SH3D19: variants seen among roughly 807,000 people sequenced by gnomAD.
SH3D19 encodes the protein SH3 domain containing 19.
SH3D19 carries 58 observed loss-of-function variants against 112.1 expected under a neutral mutation model. The ratio of observed to expected loss-of-function variants is 0.52; its 90% CI spans 0.42 to 0.64. The LOEUF (loss-of-function observed/expected upper bound fraction) is 0.64. Among genes scored for constraint, SH3D19 ranks in the 30% least tolerant of loss-of-function variants. SH3D19 has a pLI of 0.00. For missense variants in SH3D19, 1,090 were observed against 1,263.4 expected, an observed-to-expected ratio of 0.86 and a Z score of 2.08; for synonymous variants, 391 against 448.5, an observed-to-expected ratio of 0.87 and a Z score of 1.62.
At chr4:151,250,984 G>C (rs1220313720) in intron 1 of SH3D19, among the ~76,000 whole-genome samples, 2 of 152,078 alleles carry the variant, frequency 1.3e-5, no homozygotes, top group Non-Finnish European at 2.9e-5. Flanking sequence ...ACAGACCCCA[G>C]AATACTCCTG....
rs142036881 is a variant in SH3D19 at position 151,220,517 on chromosome 4, T to C, written c.152+5530A>G. ...ACCCCTAAGTCATCAAGATCTATTA[T>C]TTAGAGCTGGTGGGATGGTAAAAAG... On this transcript the variant is annotated intron_variant, in intron 2 of 19. Transcript: ENST00000604030. Among the ~76,000 whole-genome samples the C allele has an allele frequency of 5.9e-3, 899 of 152,328 alleles. 8 individuals carry two copies. The highest frequency in any genetic ancestry group is 0.021 in the African/African-American group (857 of 41,588).
chr4:151,191,405 GT>G (rs1165759985), intron 2 of SH3D19, among the ~76,000 whole-genome samples: 1 of 152,140 alleles, frequency 6.6e-6, no homozygotes, highest in East Asian at 1.9e-4. Flanking sequence ...GTTTGGCTGT[GT>G]CCCCACCCAA....
chr4:151,195,730 A>C (rs2149873065), intron 2 of SH3D19, among the ~76,000 whole-genome samples: 2 of 152,202 alleles, frequency 1.3e-5, no homozygotes, highest in Non-Finnish European at 2.9e-5. Context: ...GTTGCACATA[A>C]ATCCTAAATT....
At chr4:151,307,032 T>C (rs1728982530) in intron 1 of SH3D19, among the ~76,000 whole-genome samples, 1 of 150,700 alleles carries the variant, frequency 6.6e-6, no homozygotes, top group Non-Finnish European at 1.5e-5. Context: ...TTTTTTTTTT[T>C]TTTTGAGACG....
chr4:151,291,561 T>G, intron 1 of SH3D19: 1 of 701,492 alleles, frequency 1.4e-6, no homozygotes, highest in South Asian at 1.9e-5. Flanking sequence ...ATGTGAAGAG[T>G]TAAGAAATAA....
intron 9 of SH3D19, among the ~76,000 whole-genome samples, chr4:151,154,377 G>A (rs910401508): frequency 3.7e-4 from 56 of 150,024 alleles, no homozygotes; most frequent in African/African-American, 1.3e-3. Flanking sequence ...CAGGCGATCC[G>A]CCCGCCTTGG....
At chr4:151,137,009 T>C (rs1042052573) in intron 14 of SH3D19, among the ~76,000 whole-genome samples, 1 of 152,218 alleles carries the variant, frequency 6.6e-6, no homozygotes, top group Non-Finnish European at 1.5e-5. Context: ...ACAGTATCAG[T>C]AAGTTATATC....
At chr4:151,204,268 T>G (rs566010907) in intron 2 of SH3D19, among the ~76,000 whole-genome samples, 21 of 152,126 alleles carry the variant, frequency 1.4e-4, no homozygotes, top group Non-Finnish European at 2.4e-4. Context: ...AATCGAGGAG[T>G]GAGGACAAGT....
At chr4:151,150,228 TAC>T (rs1227863765) in intron 9 of SH3D19, among the ~76,000 whole-genome samples, 2,072 of 47,092 alleles carry the variant, frequency 0.044, 118 homozygotes, top group East Asian at 0.12. Context: ...TATATATATA[TAC>T]ACACACACAT....
intron 19 of SH3D19, among the ~76,000 whole-genome samples, chr4:151,122,754 T>A (rs1748259754): frequency 6.6e-6 from 1 of 152,184 alleles, no homozygotes; most frequent in Non-Finnish European, 1.5e-5. Flanking sequence ...CCTGTATGCC[T>A]TGTCTTATTC....
chr4:151,295,863 C>G (rs1406600764), intron 1 of SH3D19, among the ~76,000 whole-genome samples: 1 of 152,046 alleles, frequency 6.6e-6, no homozygotes, highest in Non-Finnish European at 1.5e-5. Context: ...TGGTGAAACC[C>G]TGTCTCTACT....
intron 9 of SH3D19, 75 bp from the exon 10 acceptor site, chr4:151,149,636 C>G: frequency 7.5e-7 from 1 of 1,340,762 alleles, no homozygotes; most frequent in Non-Finnish European, 1.1e-6. Flanking sequence ...TTCTAGGCAA[C>G]CTTTTGGCTG....
intron 1 of SH3D19, among the ~76,000 whole-genome samples, chr4:151,318,300 C>CAAAAAAAAAAAAAAAAAAAAAAAA (rs752720803): frequency 9.2e-5 from 5 of 54,462 alleles, no homozygotes; most frequent in Admixed American, 2.2e-4. Context: ...GACTCTGACT[C>CAAAAAAAAAAAAAAAAAAAAAAAA]AAAAAAAAAA....
chr4:151,312,358 A>G (rs760254036), intron 1 of SH3D19, among the ~76,000 whole-genome samples: 1 of 152,252 alleles, frequency 6.6e-6, no homozygotes, highest in Non-Finnish European at 1.5e-5. Flanking sequence ...TAGGATACTA[A>G]GGCAGTGATT....
At chr4:151,146,291 CATTTTT>C (rs1366672712) in intron 11 of SH3D19, among the ~76,000 whole-genome samples, 2 of 152,020 alleles carry the variant, frequency 1.3e-5, no homozygotes, top group Non-Finnish European at 2.9e-5. Flanking sequence ...CTCTCCTGAT[CATTTTT>C]ATTTTATTTT....
chr4:151,122,248 G>A lies in SH3D19; in HGVS notation c.3028-41C>T, dbSNP rs776101664. 5 of 1,097,940 alleles carry A rather than the reference G, an allele frequency of 4.6e-6. No individual in the cohort carries two copies. In the East Asian group the frequency reaches 1.2e-4, roughly 26 times the overall value. 68.0% of individuals were successfully genotyped at this position (1,097,940 alleles called of 1,614,324 possible). ...AGTTAGAATTACTGGTTTCTGTTGA[G>A]AATAAGCATGGTAAATAGTGGCCTA... On this transcript the variant is annotated intron_variant, in intron 19 of 19. Transcript: ENST00000604030.
intron 2 of SH3D19, among the ~76,000 whole-genome samples, chr4:151,196,177 GCAGGCCCATCAA>G (rs1763436694): frequency 6.6e-6 from 1 of 152,136 alleles, no homozygotes; most frequent in African/African-American, 2.4e-5. Context: ...AACATCAAAG[GCAGGCCCATCAA>G]GGTCCATATT....
intron 8 of SH3D19, 67 bp downstream of exon 8, chr4:151,165,522 G>A: frequency 8.1e-7 from 1 of 1,231,092 alleles, no homozygotes; most frequent in Admixed American, 2.0e-5. Flanking sequence ...AGCAGACATT[G>A]ATAAATTAGC....
chr4:151,122,956 A>G (rs147286637), intron 19 of SH3D19, among the ~76,000 whole-genome samples: 2,824 of 151,412 alleles, frequency 0.019, 89 homozygotes, highest in African/African-American at 0.064. Context: ...GGTTCAAACA[A>G]TTCTCCTGCC....
Sources: allele counts gnomAD v4.1 joint callset (sites outside exome capture counted in the v4.1 genomes callset), GRCh38; gene constraint gnomAD v4.1.1; transcripts MANE v1.5; gene names NCBI Gene and HGNC (gene_info 2026-07-23, HGNC 2026-07-21).